The following CDK19 variants were observed in gnomAD, a reference collection of about 807,000 sequenced individuals.
The protein encoded by CDK19 is cyclin-dependent kinase 19.
CDK19 carries 20 observed loss-of-function variants against 68.3 expected under a neutral mutation model. The observed-to-expected ratio is 0.29, with a 90% CI of 0.21 to 0.43. The LOEUF (loss-of-function observed/expected upper bound fraction) is 0.43. Among genes scored for constraint, CDK19 ranks in the 20% least tolerant of loss-of-function variants. The probability of loss-of-function intolerance (pLI) is 1.00; values close to 1 mark genes in which losing one functional copy is unlikely to be tolerated. For missense variants in CDK19, 339 were observed against 623.5 expected, an observed-to-expected ratio of 0.54 and a Z score of 4.86; for synonymous variants, 221 against 222.8, an observed-to-expected ratio of 0.99 and a Z score of 0.07.
intron 5 of CDK19, among the ~76,000 whole-genome samples, chr6:110,638,369 T>G (rs957492227): frequency 1.3e-5 from 2 of 152,170 alleles, no homozygotes; most frequent in Non-Finnish European, 2.9e-5. Context: ...ACAGTGGTGG[T>G]GACATAAACA....
chr6:110,650,919 G>T (rs1349353092), intron 4 of CDK19, among the ~76,000 whole-genome samples: 1 of 152,174 alleles, frequency 6.6e-6, no homozygotes, highest in Non-Finnish European at 1.5e-5. Flanking sequence ...TGGCAGTTGG[G>T]GAGGACTGCT....
At chr6:110,719,308 A>G (rs1582941764) in intron 2 of CDK19, among the ~76,000 whole-genome samples, 1 of 152,110 alleles carries the variant, frequency 6.6e-6, no homozygotes, top group African/African-American at 2.4e-5. Flanking sequence ...AACACAGTAA[A>G]CCCTGTCTCT....
At chr6:110,644,107 C>CA (rs1780381541) in intron 4 of CDK19, among the ~76,000 whole-genome samples, 1 of 152,022 alleles carries the variant, frequency 6.6e-6, no homozygotes, top group Non-Finnish European at 1.5e-5. Context: ...GCCTGGCCAA[C>CA]ATGGTGAAAC....
intron 1 of CDK19, among the ~76,000 whole-genome samples, chr6:110,778,758 C>T (rs1186445586): frequency 6.6e-6 from 1 of 152,144 alleles, no homozygotes; most frequent in Non-Finnish European, 1.5e-5. Flanking sequence ...CAGCCTTCCT[C>T]GCTGCTACGA....
At chr6:110,775,411 TA>T (rs1208519593) in intron 1 of CDK19, among the ~76,000 whole-genome samples, 1 of 152,018 alleles carries the variant, frequency 6.6e-6, no homozygotes, top group Non-Finnish European at 1.5e-5. Context: ...GAGGACAACG[TA>T]AAAGAAAAAA....
At chr6:110,718,081 C>A (rs767173955) in intron 2 of CDK19, among the ~76,000 whole-genome samples, 8 of 152,102 alleles carry the variant, frequency 5.3e-5, no homozygotes, top group Non-Finnish European at 7.4e-5. Flanking sequence ...GAGAGCAAGC[C>A]CTCACCAGAC....
intron 4 of CDK19, chr6:110,646,496 A>T: frequency 7.0e-7 from 1 of 1,423,794 alleles, no homozygotes; most frequent in Non-Finnish European, 9.3e-7. Context: ...GTTCTGTGCC[A>T]GCGTGGTGCC....
At chr6:110,783,637 CAAA>C (rs57653696) in intron 1 of CDK19, among the ~76,000 whole-genome samples, 1 of 89,054 alleles carries the variant, frequency 1.1e-5, no homozygotes. Flanking sequence ...GATTCTGTCT[CAAA>C]AAAAAAAAAG....
intron 1 of CDK19, among the ~76,000 whole-genome samples, chr6:110,806,602 A>G (rs1309286983): frequency 6.6e-6 from 1 of 152,226 alleles, no homozygotes; most frequent in African/African-American, 2.4e-5. Context: ...GTAAGTCAAT[A>G]CAATGAGATA....
chr6:110,653,818 G>A (rs1781131009), intron 4 of CDK19, among the ~76,000 whole-genome samples: 1 of 152,054 alleles, frequency 6.6e-6, no homozygotes, highest in Admixed American at 6.6e-5. Context: ...CTCCAGATTT[G>A]CTTTTTCCTT....
At chr6:110,741,424 G>T (rs764930046) in intron 2 of CDK19, among the ~76,000 whole-genome samples, 5 of 151,706 alleles carry the variant, frequency 3.3e-5, no homozygotes, top group Non-Finnish European at 5.9e-5. Flanking sequence ...TTATGCCACT[G>T]CACTCCAGCC....
chr6:110,747,100 T>A (rs1433909570), intron 1 of CDK19, among the ~76,000 whole-genome samples: 1 of 152,176 alleles, frequency 6.6e-6, no homozygotes, highest in Non-Finnish European at 1.5e-5. Flanking sequence ...TTTGATCATA[T>A]TAGAGCCTCA....
chr6:110,668,370 T>C (rs1396156295), intron 3 of CDK19, among the ~76,000 whole-genome samples: 2 of 152,242 alleles, frequency 1.3e-5, no homozygotes, highest in East Asian at 3.8e-4. Context: ...AAATGGTATG[T>C]AAAATTATTA....
At chr6:110,771,243 A>T (rs1328398904) in intron 1 of CDK19, among the ~76,000 whole-genome samples, 1 of 152,144 alleles carries the variant, frequency 6.6e-6, no homozygotes, top group Non-Finnish European at 1.5e-5. Flanking sequence ...CCTGCAGCAA[A>T]CTTTTGCCTC....
intron 2 of CDK19, among the ~76,000 whole-genome samples, chr6:110,688,648 GAGA>G (rs2114563306): frequency 6.6e-6 from 1 of 152,332 alleles, no homozygotes; most frequent in Non-Finnish European, 1.5e-5. Context: ...CCAGGCCACA[GAGA>G]AGGGCCTTAA....
intron 1 of CDK19, among the ~76,000 whole-genome samples, chr6:110,777,702 T>C (rs1330751302): frequency 1.3e-5 from 2 of 152,226 alleles, no homozygotes; most frequent in Non-Finnish European, 2.9e-5. Flanking sequence ...CCCATGTTTG[T>C]AGCACCATTA....
intron 2 of CDK19, among the ~76,000 whole-genome samples, chr6:110,743,646 A>C (rs1263280995): frequency 2.0e-5 from 3 of 148,906 alleles, no homozygotes; most frequent in Admixed American, 6.7e-5. Context: ...TGTCTCCTAC[A>C]AAAAAAAAAG....
chr6:110,780,207 G>A (rs1349077567), intron 1 of CDK19, among the ~76,000 whole-genome samples: 74 of 148,328 alleles, frequency 5.0e-4, no homozygotes, highest in African/African-American at 1.8e-3. Context: ...GACGGAGTGA[G>A]ACTCCATCTC....
rs780282286 is a variant in CDK19, at chr6:110,746,135, T to C, written c.195A>G (p.Arg65=). Residue 65 remains arginine (R), a synonymous_variant, in exon 2 of 13, where the codon AGA becomes AGG. Coordinates refer to ENST00000368911, the MANE Select transcript of CDK19 (RefSeq NM_015076.5). ...ATTTGTATCCACTTACTGCAATCTC[T>C]CTACAAGCCGACATGGATATTCCTG... ...EGTGISMSAC[R]EIALLRELKH... The C allele has an allele frequency of 1.9e-6, 3 of 1,584,600 alleles. No homozygotes were observed. The highest frequency in any genetic ancestry group is 2.6e-6 in the Non-Finnish European group (3 of 1,162,412).
Sources: gnomAD v4.1 joint callset for allele counts (sites outside exome capture counted in the v4.1 genomes callset) on GRCh38, gnomAD v4.1.1 for gene constraint, MANE v1.5 for transcripts, NCBI Gene and HGNC (gene_info 2026-07-23, HGNC 2026-07-21) for gene names.